Variants in EPRS1 observed in about 807,000 individuals in gnomAD.
EPRS1 encodes the protein bifunctional glutamate/proline--tRNA ligase.
In EPRS1, 107 loss-of-function variants were observed where a neutral mutation model predicts 188.3. That is an observed-to-expected ratio of 0.57 (90% confidence interval 0.49 to 0.67). The LOEUF (loss-of-function observed/expected upper bound fraction) is 0.67. Ranked by LOEUF, EPRS1 falls within the 30% of genes least tolerant of loss-of-function variation. The pLI is 0.00. For synonymous variants in EPRS1, 596 were observed against 593.1 expected (o/e 1.00, Z -0.07); for missense variants, 1,577 against 1,802.2 (o/e 0.88, Z 2.26).
At chr1:220,030,230 T>C (rs1662059232) in intron 6 of EPRS1, among the ~76,000 whole-genome samples, 156 bp downstream of exon 6, 2 of 152,178 alleles carry the variant, frequency 1.3e-5, no homozygotes, top group Admixed American at 6.5e-5. Context: ...ATTAATAACA[T>C]AAAAACTGTT....
rs374913617 is a variant in EPRS1, at chr1:220,024,406, A to C, written c.801T>G (p.Thr267=). The C allele has an allele frequency of 3.1e-6, 5 of 1,611,180 alleles. No homozygotes were observed. The African/African-American group carries it at 6.7e-5, about 22-fold the overall frequency. Residue 267 remains threonine, a synonymous_variant, in exon 8 of 32, where the codon ACT becomes ACG. Transcript: ENST00000366923. ...AMLHIKPDQF[T]YTSDHFETIM... is the part of the protein sequence containing the mutation. ...TAGTTTCAAAATGATCCGAAGTATA[A>C]GTAAATTGATCTGGTTTGATATGCA...
chr1:219,987,928 C>T (rs1181872494), intron 19 of EPRS1, among the ~76,000 whole-genome samples: 1 of 152,144 alleles, frequency 6.6e-6, no homozygotes, highest in African/African-American at 2.4e-5. Context: ...ATTGTTATAG[C>T]ATATTTCCAT....
At position 220,012,493 on chromosome 1, in the gene EPRS1, G is replaced by C. The variant is rs542684042; in HGVS notation, c.1495-1437C>G. On this transcript the variant is annotated intron_variant, in intron 12 of 31. Coordinates refer to ENST00000366923, the MANE Select transcript of EPRS1 (RefSeq NM_004446.3). ...ACCACTTGGGGCAGTTGTTAGCACA[G>C]ATTCTGAGACAACTTGGTCTGAAGT... Among the ~76,000 whole-genome samples the C allele has an allele frequency of 2.0e-5, 3 of 152,332 alleles. No individual in the cohort carries two copies. The East Asian group carries it at 5.8e-4, about 29-fold the overall frequency.
Position 220,046,345 on chromosome 1 carries a change from A to C in EPRS1, c.44T>G (p.Leu15Arg). 2.5e-6 allele frequency: 4 copies of C among 1,614,122 alleles called. No individual in the cohort carries two copies. The highest frequency in any genetic ancestry group is 3.4e-6 in the Non-Finnish European group (4 of 1,180,024). The change falls in exon 1 of 32, where the codon CTA becomes CGA. Residue 15 changes from leucine to arginine, a missense_variant and splice_region_variant. Leu to Arg is a moderately radical substitution (Grantham distance 102, BLOSUM62 -2). Transcript: ENST00000366923. ...SLTVNSGDPP[L>R]GALLAVEHVK... ...GGTCATTGGTCTCGGCCCCTTACCT[A>C]GCGGAGGGTCTCCTGAATTCACGGT...
In EPRS1 at chr1:219,997,026, T is replaced by C. The variant is rs745418091; in HGVS notation, c.2498A>G (p.Gln833Arg). 14 of 1,612,336 alleles carry C rather than the reference T, an allele frequency of 8.7e-6. No individual in the cohort carries two copies. The highest frequency in any genetic ancestry group is 1.1e-5 in the Non-Finnish European group (13 of 1,179,452). The stretch of plus-strand genomic sequence containing the variant: ...TTTTAGCTTACGAACCACCTCCCCT[T>C]GTGCAGCAACTTCATCATACAGAGA... ...SKSLYDEVAA[Q>R]GEVVRKLKAE... Residue 833 changes from glutamine to arginine, a missense_variant, in exon 18 of 32, where the codon CAA (glutamine) becomes CGA (arginine). Transcript: ENST00000366923.
chr1:220,025,068 T>C (rs776057790), intron 7 of EPRS1, 64 bp downstream of exon 7: 6 of 1,463,274 alleles, frequency 4.1e-6, no homozygotes, highest in Non-Finnish European at 5.7e-6. Flanking sequence ...CATGAAGGTA[T>C]TAGGTAATCC....
At chr1:220,006,695 C>T (rs2102580741) in intron 14 of EPRS1, among the ~76,000 whole-genome samples, 1 of 152,260 alleles carries the variant, frequency 6.6e-6, no homozygotes, top group East Asian at 1.9e-4. Flanking sequence ...TATGTAATAA[C>T]TACGCAATTA....
At chr1:220,006,824 CCAAT>C (rs1009864294) in intron 14 of EPRS1, among the ~76,000 whole-genome samples, 5 of 152,124 alleles carry the variant, frequency 3.3e-5, no homozygotes, top group Admixed American at 6.5e-5. Flanking sequence ...TAATTATTAA[CCAAT>C]CAGTTTTAAA....
intron 4 of EPRS1, among the ~76,000 whole-genome samples, chr1:220,033,224 A>C (rs543413150): frequency 6.6e-6 from 1 of 152,114 alleles, no homozygotes; most frequent in East Asian, 1.9e-4. Flanking sequence ...TGGGATGGGG[A>C]CTTCTTTATC....
rs1174727180 is a variant in EPRS1, at chr1:219,988,835, G to A, written c.2542-12C>T. On this transcript the variant is annotated splice_polypyrimidine_tract_variant and intron_variant, in intron 18 of 31. Transcript: ENST00000366923. Reference sequence around the variant, plus strand: ...TCATTTATTTTAGCCTAAAATAAAAGAGAGAAAGAGATATTTATAAAACTT... The same window carrying A: ...TCATTTATTTTAGCCTAAAATAAAAAAGAGAAAGAGATATTTATAAAACTT... The A allele has an allele frequency of 6.6e-7, 1 of 1,514,074 alleles. No individual in the cohort carries two copies. The highest frequency in any genetic ancestry group is 1.4e-5 in the African/African-American group (1 of 71,228). The allele number at this position is 1,514,074 out of a possible 1,614,324, so 93.8% of individuals were successfully genotyped here.
At chr1:220,007,434 A>G in intron 13 of EPRS1, 96 bp from the exon 14 acceptor site, 1 of 1,251,746 alleles carries the variant, frequency 8.0e-7, no homozygotes, top group Non-Finnish European at 1.1e-6. Flanking sequence ...TAACCATACA[A>G]AAGTCTTCTG....
intron 1 of EPRS1, among the ~76,000 whole-genome samples, chr1:220,042,189 A>T (rs1394879280): frequency 6.6e-6 from 1 of 151,566 alleles, no homozygotes; most frequent in Non-Finnish European, 1.5e-5. Flanking sequence ...CCCAAAAAAA[A>T]AAAAAAAAAA....
chr1:220,011,133 G>T, intron 12 of EPRS1, 77 bp from the exon 13 acceptor site: 1 of 784,018 alleles, frequency 1.3e-6, no homozygotes, highest in South Asian at 1.6e-5. Flanking sequence ...TAATAGCACA[G>T]GAATACTAAC....
chr1:219,987,725 T>C (rs776599349), intron 19 of EPRS1, among the ~76,000 whole-genome samples: 2 of 152,132 alleles, frequency 1.3e-5, no homozygotes, highest in Non-Finnish European at 2.9e-5. Flanking sequence ...AAGATTATGA[T>C]AAACAGGGAT....
Position 220,032,361 on chromosome 1 carries a change from T to TA in EPRS1, c.528+25_528+26insT, listed in dbSNP as rs777587276. On this transcript the variant is annotated intron_variant, in intron 5 of 31. Transcript: ENST00000366923. The stretch of plus-strand genomic sequence containing the variant: ...TCAGCCTCCCAAAGTGTTTTTTTTT[T>TA]TAAAAAAAAAGAAAAAAAGGCTTAC... 2.6e-4 allele frequency: 410 copies of TA among 1,557,094 alleles called. 1 individual carries two copies. The highest frequency in any genetic ancestry group is 1.7e-3 in the East Asian group (74 of 43,076).
In EPRS1 at chr1:220,024,361, C is replaced by T. The variant is rs1661932959; in HGVS notation, c.846G>A (p.Lys282=). Reference sequence around the variant, plus strand: ...CATAAGCCTTCCCTTCTTGAATTAGCTTCTCTGCATACTTCATTATAGTTT... The same window carrying T: ...CATAAGCCTTCCCTTCTTGAATTAGTTTCTCTGCATACTTCATTATAGTTT... ...HFETIMKYAE[K]LIQEGKAYVD... is the part of the protein sequence containing the mutation. Residue 282 remains lysine (K), a synonymous_variant, in exon 8 of 32, where the codon AAG becomes AAA. Coordinates refer to ENST00000366923, the MANE Select transcript of EPRS1 (RefSeq NM_004446.3). The T allele has an allele frequency of 9.3e-6, 15 of 1,612,810 alleles. No individual in the cohort carries two copies. In the East Asian group the frequency reaches 1.6e-4, roughly 17 times the overall value.
chr1:219,981,460 GA>G lies in EPRS1; in HGVS notation c.3374-4del, dbSNP rs761554833. The G allele has an allele frequency of 6.3e-5, 99 of 1,577,620 alleles. No homozygotes were observed. The African/African-American group carries it at 1.3e-3, about 21-fold the overall frequency. Reference sequence around the variant, plus strand: ...TTTTGCATATGCAGGATACATTACTGAAAGACACGGGAAAATAGAGACAGTC... The same window carrying G: ...TTTTGCATATGCAGGATACATTACTGAAGACACGGGAAAATAGAGACAGTC... On this transcript the variant is annotated splice_polypyrimidine_tract_variant and splice_region_variant and intron_variant, in intron 23 of 31. Coordinates refer to ENST00000366923, the MANE Select transcript of EPRS1 (RefSeq NM_004446.3).
At chr1:219,978,814 A>T in intron 27 of EPRS1, 95 bp from the exon 28 acceptor site, 1 of 834,384 alleles carries the variant, frequency 1.2e-6, no homozygotes, top group Non-Finnish European at 1.9e-6. Flanking sequence ...CTATATTATT[A>T]ACACGAATCA....
intron 16 of EPRS1, among the ~76,000 whole-genome samples, chr1:220,001,643 T>C (rs1661354243): frequency 6.6e-6 from 1 of 152,218 alleles, no homozygotes; most frequent in Admixed American, 6.5e-5. Context: ...GTCCAGTTAA[T>C]GCTTTTTGAA....
Sources: gnomAD v4.1 joint callset for allele counts (sites outside exome capture counted in the v4.1 genomes callset) on GRCh38, gnomAD v4.1.1 for gene constraint, MANE v1.5 for transcripts, NCBI Gene and HGNC (gene_info 2026-07-23, HGNC 2026-07-21) for gene names.